The following CBFA2T2 variants were observed in gnomAD, a reference collection of about 807,000 sequenced individuals.
CBFA2T2 encodes the protein protein CBFA2T2.
In CBFA2T2, 11 loss-of-function variants were observed where a neutral mutation model predicts 62.2. That is an observed-to-expected ratio of 0.18 (90% confidence interval 0.11 to 0.29). The LOEUF (loss-of-function observed/expected upper bound fraction) is 0.29. Among genes scored for constraint, CBFA2T2 ranks in the 10% least tolerant of loss-of-function variants. The pLI, the probability that CBFA2T2 is intolerant of heterozygous loss-of-function variation, is 1.00. For synonymous variants in CBFA2T2, 295 were observed against 287.5 expected (o/e 1.03, Z -0.27); for missense variants, 592 against 774.1 (o/e 0.76, Z 2.79).
intron 8 of CBFA2T2, among the ~76,000 whole-genome samples, chr20:33,631,927 A>C (rs1449733920): frequency 6.6e-6 from 1 of 152,180 alleles, no homozygotes; most frequent in Non-Finnish European, 1.5e-5. Flanking sequence ...TACTATGCAA[A>C]ATGTGAACCA....
intron 8 of CBFA2T2, among the ~76,000 whole-genome samples, chr20:33,634,398 G>C (rs1033052121): frequency 2.0e-5 from 3 of 152,154 alleles, no homozygotes; most frequent in African/African-American, 7.2e-5. Context: ...TAGTCCACCT[G>C]TGGTGGCTGA....
chr20:33,494,313 G>A (rs1160134667), intron 1 of CBFA2T2, among the ~76,000 whole-genome samples: 1 of 88,388 alleles, frequency 1.1e-5, no homozygotes, highest in African/African-American at 4.9e-5. Flanking sequence ...ACAGAGTCTC[G>A]CTCTGTTGCC....
chr20:33,525,623 T>C (rs2011866529), intron 1 of CBFA2T2, among the ~76,000 whole-genome samples: 1 of 152,216 alleles, frequency 6.6e-6, no homozygotes, highest in African/African-American at 2.4e-5. Context: ...AATTACTGTC[T>C]ATTTTTCCTT....
At chr20:33,584,132 A>G (rs1323086252) in intron 1 of CBFA2T2, among the ~76,000 whole-genome samples, 1 of 151,850 alleles carries the variant, frequency 6.6e-6, no homozygotes, top group East Asian at 1.9e-4. Context: ...TATTTTTAGT[A>G]GAGATGAGGT....
At chr20:33,546,617 T>G (rs1292073307) in intron 1 of CBFA2T2, among the ~76,000 whole-genome samples, 2 of 151,798 alleles carry the variant, frequency 1.3e-5, no homozygotes, top group Non-Finnish European at 2.9e-5. Flanking sequence ...AATTTTTTTT[T>G]TTTAATTTTT....
chr20:33,638,967 T>C (rs1326040867), intron 9 of CBFA2T2: 1 of 152,238 alleles, frequency 6.6e-6, no homozygotes, highest in East Asian at 1.9e-4. Context: ...CCTAGTCTTA[T>C]TTATTTAATT....
At chr20:33,627,402 G>A (rs1054655041) in intron 6 of CBFA2T2, among the ~76,000 whole-genome samples, 1 of 151,794 alleles carries the variant, frequency 6.6e-6, no homozygotes, top group African/African-American at 2.4e-5. Flanking sequence ...TCAAGGGGGG[G>A]GAAAAAAACT....
At chr20:33,565,460 T>TAG (rs1234897741) in intron 1 of CBFA2T2, among the ~76,000 whole-genome samples, 1 of 152,086 alleles carries the variant, frequency 6.6e-6, no homozygotes, top group Non-Finnish European at 1.5e-5. Context: ...GGGCCTACTA[T>TAG]AGAGGGCCTG....
chr20:33,501,000 G>A (rs950102310), intron 1 of CBFA2T2, among the ~76,000 whole-genome samples: 1 of 152,144 alleles, frequency 6.6e-6, no homozygotes, highest in Non-Finnish European at 1.5e-5. Flanking sequence ...ATCAAATATA[G>A]TATATAGACT....
intron 1 of CBFA2T2, among the ~76,000 whole-genome samples, chr20:33,588,061 T>G (rs2014455644): frequency 1.3e-5 from 2 of 152,216 alleles, no homozygotes; most frequent in African/African-American, 4.8e-5. Flanking sequence ...TTTTTGTTGA[T>G]TTTTCTTAAA....
chr20:33,568,095 G>A (rs1000777056), intron 1 of CBFA2T2, among the ~76,000 whole-genome samples: 3 of 152,150 alleles, frequency 2.0e-5, no homozygotes, highest in African/African-American at 7.2e-5. Context: ...TTTGACATTA[G>A]GCTGTGTAAC....
intron 1 of CBFA2T2, among the ~76,000 whole-genome samples, chr20:33,528,382 GA>G (rs1182373872): frequency 6.6e-6 from 1 of 152,222 alleles, no homozygotes; most frequent in Non-Finnish European, 1.5e-5. Context: ...GTTGCATGTG[GA>G]AAATGTTGTC....
At chr20:33,494,383 G>A (rs1210616321) in intron 1 of CBFA2T2, among the ~76,000 whole-genome samples, 10 of 138,760 alleles carry the variant, frequency 7.2e-5, no homozygotes, top group African/African-American at 2.4e-4. Flanking sequence ...CTGGGTTCAC[G>A]CCATTCTCCT....
At chr20:33,503,994 C>G (rs1274950186) in intron 1 of CBFA2T2, among the ~76,000 whole-genome samples, 2 of 151,996 alleles carry the variant, frequency 1.3e-5, no homozygotes, top group African/African-American at 2.4e-5. Context: ...TTTCTCACAC[C>G]CCTTTCTTTT....
At chr20:33,505,896 G>C (rs545664053) in intron 1 of CBFA2T2, among the ~76,000 whole-genome samples, 2 of 151,958 alleles carry the variant, frequency 1.3e-5, no homozygotes, top group South Asian at 4.2e-4. Context: ...TTCAAGACCA[G>C]CCTGGCCAGC....
At chr20:33,583,590 A>G (rs566253932) in intron 1 of CBFA2T2, among the ~76,000 whole-genome samples, 2 of 152,342 alleles carry the variant, frequency 1.3e-5, no homozygotes, top group Non-Finnish European at 2.9e-5. Flanking sequence ...GGATAATTAC[A>G]TATAATTGAA....
chr20:33,502,653 T>C (rs1197220778), intron 1 of CBFA2T2, among the ~76,000 whole-genome samples: 1 of 151,326 alleles, frequency 6.6e-6, no homozygotes, highest in Non-Finnish European at 1.5e-5. Flanking sequence ...TCTGCCTGCC[T>C]CGACCTCCCA....
At chr20:33,610,978 A>G in intron 2 of CBFA2T2, 116 bp from the exon 3 acceptor site, 2 of 1,308,828 alleles carry the variant, frequency 1.5e-6, no homozygotes, top group Non-Finnish European at 2.2e-6. Flanking sequence ...GCATACCTTT[A>G]TAACATGTGC....
intron 3 of CBFA2T2, among the ~76,000 whole-genome samples, chr20:33,614,907 C>G (rs1180067856): frequency 6.6e-6 from 1 of 152,172 alleles, no homozygotes; most frequent in Non-Finnish European, 1.5e-5. Context: ...GCCAGTGGCC[C>G]AACCTTACAA....
Sources: allele counts gnomAD v4.1 joint callset (sites outside exome capture counted in the v4.1 genomes callset), GRCh38; gene constraint gnomAD v4.1.1; transcripts MANE v1.5; gene names NCBI Gene and HGNC (gene_info 2026-07-23, HGNC 2026-07-21).